WDR49: variants seen among roughly 807,000 people sequenced by gnomAD.
WDR49 encodes WD repeat domain 49, also known as cilia- and flagella-associated protein 337.
Under a neutral mutation model 119.5 loss-of-function variants are expected in WDR49, and 107 were observed. The observed-to-expected ratio is 0.90, with a 90% CI of 0.77 to 1.05. The LOEUF (loss-of-function observed/expected upper bound fraction) is 1.05. WDR49 is among the 50% of genes least tolerant of loss of function. The pLI is 0.00. For synonymous variants in WDR49, 425 were observed against 418.8 expected (o/e 1.01, Z -0.18); for missense variants, 1,240 against 1,220.5 (o/e 1.02, Z -0.24).
At chr3:167,616,337 T>C (rs1225450655) in intron 5 of WDR49, among the ~76,000 whole-genome samples, 2 of 152,188 alleles carry the variant, frequency 1.3e-5, no homozygotes, top group African/African-American at 4.8e-5. Context: ...TCTCCCACCA[T>C]AAACAACTAG....
At position 167,560,050 on chromosome 3, in the gene WDR49, CATT is replaced by C; in HGVS notation, c.1674+11_1674+13del. 1 of 1,613,592 alleles carries C rather than the reference CATT, an allele frequency of 6.2e-7. No individual in the cohort carries two copies. The highest frequency in any genetic ancestry group is 2.2e-5 in the East Asian group (1 of 44,842). On this transcript the variant is annotated intron_variant, in intron 9 of 18. Transcript: ENST00000682715. ...TCCTCATATCTGGATAGAAAAGCATCATTGTGTTCGCACCTTTACAGTCCCATC... is the reference window on the plus strand; with the variant it reads ...TCCTCATATCTGGATAGAAAAGCATCGTGTTCGCACCTTTACAGTCCCATC...
At chr3:167,481,067 A>C (rs1352415180) in intron 18 of WDR49, among the ~76,000 whole-genome samples, 1 of 32,008 alleles carries the variant, frequency 3.1e-5, no homozygotes, top group Non-Finnish European at 5.5e-5. Context: ...TATTTCAAGC[A>C]AAAAAAAAAA....
At chr3:167,522,763 C>T (rs1401720986) in intron 15 of WDR49, among the ~76,000 whole-genome samples, 2 of 152,106 alleles carry the variant, frequency 1.3e-5, no homozygotes, top group African/African-American at 2.4e-5. Flanking sequence ...TTTTACCATT[C>T]CCATTTTAAA....
upstream of WDR49, among the ~76,000 whole-genome samples, chr3:167,655,371 C>T (rs547685914): frequency 1.3e-5 from 2 of 152,234 alleles, no homozygotes; most frequent in South Asian, 4.1e-4. Context: ...GATGGATGTG[C>T]CCGTTGCACT....
chr3:167,650,339 C>G (rs567103962), intron 2 of WDR49, among the ~76,000 whole-genome samples: 1 of 152,244 alleles, frequency 6.6e-6, no homozygotes, highest in Non-Finnish European at 1.5e-5. Flanking sequence ...ATTGTAAGTG[C>G]TACAGGGAAG....
chr3:167,498,158 G>A (rs562151969), intron 18 of WDR49, among the ~76,000 whole-genome samples: 1 of 152,226 alleles, frequency 6.6e-6, no homozygotes, highest in African/African-American at 2.4e-5. Context: ...ATTCTTAAAG[G>A]TGAATCATCC....
At chr3:167,601,302 G>A (rs1203765593) in intron 7 of WDR49, among the ~76,000 whole-genome samples, 1 of 152,162 alleles carries the variant, frequency 6.6e-6, no homozygotes, top group African/African-American at 2.4e-5. Context: ...TTTATGGGGT[G>A]TGGCTAAGGA....
intron 7 of WDR49, among the ~76,000 whole-genome samples, chr3:167,597,670 C>A (rs1196948855): frequency 2.0e-5 from 3 of 152,286 alleles, no homozygotes; most frequent in Middle Eastern, 3.4e-3. Flanking sequence ...GGCCAGGGAG[C>A]CCACCCCTTG....
intron 11 of WDR49, among the ~76,000 whole-genome samples, chr3:167,535,812 G>A (rs539296370): frequency 1.6e-4 from 24 of 152,114 alleles, no homozygotes; most frequent in African/African-American, 5.1e-4. Context: ...ATTCACAAAA[G>A]CCAAGATATA....
rs77656728 is a variant in WDR49 at position 167,568,561 on chromosome 3, T to G, written c.1509+7357A>C. On this transcript the variant is annotated intron_variant, in intron 8 of 18. Transcript: ENST00000682715. Reference sequence around the variant, plus strand: ...TCTTTTTTTATGGTGGTCCTAATGCTGGATTCATTTATATTGAAATGGCAA... The same window carrying G: ...TCTTTTTTTATGGTGGTCCTAATGCGGGATTCATTTATATTGAAATGGCAA... Among the ~76,000 whole-genome samples, 606 of 152,296 alleles carry G rather than the reference T, an allele frequency of 4.0e-3. 8 individuals are homozygous for G. Among genetic ancestry groups the G allele is most frequent in the African/African-American group, 0.014 (575 of 41,562 alleles).
At position 167,619,839 on chromosome 3, in the gene WDR49, A is replaced by G. The variant is rs145370601; in HGVS notation, c.958+590T>C. ...AGATAAAATTAAGATATTTTATGAA[A>G]CTAATTCATTGGTGACTAGGTTTTA... is the stretch of plus-strand genomic sequence containing the variant. On this transcript the variant is annotated intron_variant, in intron 5 of 18. Coordinates refer to ENST00000682715, the MANE Select transcript of WDR49 (RefSeq NM_001366157.1). 2.6e-3 allele frequency among the ~76,000 whole-genome samples: 396 copies of G among 152,258 alleles called. 4 individuals carry two copies. The highest frequency in any genetic ancestry group is 9.0e-3 in the African/African-American group (376 of 41,564).
intron 8 of WDR49, among the ~76,000 whole-genome samples, chr3:167,562,641 A>C (rs1713335747): frequency 6.6e-6 from 1 of 152,200 alleles, no homozygotes; most frequent in Admixed American, 6.5e-5. Context: ...CCATGTCATT[A>C]ACTGTGTTTC....
At chr3:167,571,452 T>C (rs1220127991) in intron 8 of WDR49, among the ~76,000 whole-genome samples, 1 of 152,196 alleles carries the variant, frequency 6.6e-6, no homozygotes, top group African/African-American at 2.4e-5. Flanking sequence ...AACTTACTCC[T>C]AAGAATTTAC....
intron 7 of WDR49, among the ~76,000 whole-genome samples, chr3:167,584,257 T>A (rs1577255681): frequency 6.6e-6 from 1 of 151,918 alleles, no homozygotes; most frequent in East Asian, 1.9e-4. Context: ...AGAAAAAAAA[T>A]CTGAACTTAG....
At chr3:167,574,968 TAAATAGTGACACG>T in intron 8 of WDR49, 1 of 727,792 alleles carries the variant, frequency 1.4e-6, no homozygotes. Flanking sequence ...AACAGTGTTT[TAAATAGTGACACG>T]ACACACTACC....
At chr3:167,622,532 T>C (rs1324685809) in intron 3 of WDR49, among the ~76,000 whole-genome samples, 2 of 152,162 alleles carry the variant, frequency 1.3e-5, no homozygotes, top group Admixed American at 1.3e-4. Flanking sequence ...AAGATTTACA[T>C]CTGCCATTTT....
chr3:167,650,926 T>A (rs189777563), intron 2 of WDR49, among the ~76,000 whole-genome samples: 1 of 152,120 alleles, frequency 6.6e-6, no homozygotes, highest in Admixed American at 6.6e-5. Context: ...TTGCACAGAG[T>A]CACATTGTAA....
chr3:167,536,258 T>A (rs1753018381), intron 11 of WDR49, among the ~76,000 whole-genome samples: 1 of 152,176 alleles, frequency 6.6e-6, no homozygotes, highest in African/African-American at 2.4e-5. Context: ...ATGATATATG[T>A]GTAAGGCTAT....
intron 16 of WDR49, among the ~76,000 whole-genome samples, chr3:167,506,257 A>G (rs980366337): frequency 6.6e-6 from 1 of 151,866 alleles, no homozygotes; most frequent in Non-Finnish European, 1.5e-5. Flanking sequence ...TAGCTATAAG[A>G]CTCTGAGTTG....
Sources: allele counts gnomAD v4.1 joint callset (sites outside exome capture counted in the v4.1 genomes callset), GRCh38; gene constraint gnomAD v4.1.1; transcripts MANE v1.5; gene names NCBI Gene and HGNC (gene_info 2026-07-23, HGNC 2026-07-21).